The following OPCML variants were observed in gnomAD, a reference collection of about 807,000 sequenced individuals.
OPCML encodes the protein opioid-binding protein/cell adhesion molecule.
In OPCML, 13 loss-of-function variants were observed where a neutral mutation model predicts 37.8. The ratio of observed to expected loss-of-function variants is 0.34; its 90% confidence interval spans 0.22 to 0.55. The LOEUF is 0.55. Among genes scored for constraint, OPCML ranks in the 20% least tolerant of loss-of-function variants. The probability of loss-of-function intolerance (pLI) is 0.91; values close to 1 mark genes in which losing one functional copy is unlikely to be tolerated. For synonymous variants in OPCML, 176 were observed against 168.8 expected, an observed-to-expected ratio of 1.04 and a Z score of -0.33; for missense variants, 341 against 435.6, an observed-to-expected ratio of 0.78 and a Z score of 1.93.
At chr11:133,290,756 GA>G (rs1232428007) in intron 1 of OPCML, among the ~76,000 whole-genome samples, 5 of 152,246 alleles carry the variant, frequency 3.3e-5, no homozygotes. Flanking sequence ...GAACTATTTG[GA>G]AAGGATTTCA....
At chr11:132,639,380 G>A (rs917355302) in intron 3 of OPCML, among the ~76,000 whole-genome samples, 3 of 152,180 alleles carry the variant, frequency 2.0e-5, no homozygotes, top group African/African-American at 7.2e-5. Context: ...GGTGACACTT[G>A]GGGACATGTG....
chr11:132,748,968 A>G (rs1468852189), intron 2 of OPCML, among the ~76,000 whole-genome samples: 1 of 152,120 alleles, frequency 6.6e-6, no homozygotes, highest in Non-Finnish European at 1.5e-5. Context: ...TATGGATTGA[A>G]TGTTTGTGCC....
chr11:132,958,294 T>C (rs1302249734), intron 1 of OPCML, among the ~76,000 whole-genome samples: 1 of 152,196 alleles, frequency 6.6e-6, no homozygotes, highest in East Asian at 1.9e-4. Context: ...TTCAATTCTA[T>C]GAAGGCTGAG....
intron 1 of OPCML, among the ~76,000 whole-genome samples, chr11:133,043,889 G>A (rs1947955142): frequency 6.6e-6 from 1 of 152,164 alleles, no homozygotes; most frequent in African/African-American, 2.4e-5. Flanking sequence ...TTATTCATTT[G>A]TGCATACATT....
chr11:133,462,149 C>A (rs946234499), intron 1 of OPCML, among the ~76,000 whole-genome samples: 4 of 151,632 alleles, frequency 2.6e-5, no homozygotes, highest in Admixed American at 6.6e-5. Context: ...GTAATGGCTG[C>A]AAAAAATAAA....
At chr11:132,841,974 T>C (rs1438121739) in intron 2 of OPCML, among the ~76,000 whole-genome samples, 4 of 151,326 alleles carry the variant, frequency 2.6e-5, no homozygotes, top group Non-Finnish European at 5.9e-5. Flanking sequence ...CTGCATGCTA[T>C]TGAAAAGAGA....
intron 2 of OPCML, among the ~76,000 whole-genome samples, chr11:132,702,348 T>A (rs1409500842): frequency 1.3e-5 from 2 of 152,200 alleles, no homozygotes; most frequent in Non-Finnish European, 2.9e-5. Context: ...TAACGCTTCT[T>A]TCCCCCAGCA....
intron 1 of OPCML, among the ~76,000 whole-genome samples, chr11:133,468,710 G>C (rs967554069): frequency 6.6e-6 from 1 of 152,154 alleles, no homozygotes; most frequent in Admixed American, 6.5e-5. Flanking sequence ...AGAGAAAAAG[G>C]CTTTTTGACA....
At chr11:132,540,302 A>G (rs76346213) in intron 3 of OPCML, among the ~76,000 whole-genome samples, 2,235 of 152,252 alleles carry the variant, frequency 0.015, 47 homozygotes, top group African/African-American at 0.046. Context: ...ATAATTAAGG[A>G]CTGTCATTTG....
At chr11:133,362,641 G>C (rs1001538564) in intron 1 of OPCML, among the ~76,000 whole-genome samples, 3 of 152,196 alleles carry the variant, frequency 2.0e-5, no homozygotes, top group Non-Finnish European at 4.4e-5. Context: ...TGGCTGAAGG[G>C]AATGAGGTGA....
At chr11:132,511,072 T>G (rs2096267797) in intron 4 of OPCML, among the ~76,000 whole-genome samples, 1 of 152,112 alleles carries the variant, frequency 6.6e-6, no homozygotes, top group African/African-American at 2.4e-5. Context: ...GTAAAAAATC[T>G]TAAGTATCTA....
At chr11:133,427,188 A>G (rs1403156820) in intron 1 of OPCML, among the ~76,000 whole-genome samples, 4 of 152,176 alleles carry the variant, frequency 2.6e-5, no homozygotes, top group Non-Finnish European at 5.9e-5. Context: ...CACGGACCTT[A>G]TAAAACCTAA....
intron 1 of OPCML, among the ~76,000 whole-genome samples, chr11:133,512,630 C>G (rs1948184607): frequency 6.6e-6 from 1 of 152,184 alleles, no homozygotes. Context: ...GTTTGGTTCC[C>G]CTGGCAACAA....
At chr11:132,454,524 C>G (rs1040631828) in intron 4 of OPCML, among the ~76,000 whole-genome samples, 2 of 152,198 alleles carry the variant, frequency 1.3e-5, no homozygotes, top group Non-Finnish European at 2.9e-5. Context: ...GCTCCACTGC[C>G]TCTTCCACAC....
chr11:133,178,933 C>T (rs75767225), intron 1 of OPCML, among the ~76,000 whole-genome samples: 20 of 152,164 alleles, frequency 1.3e-4, no homozygotes, highest in Non-Finnish European at 2.4e-4. Flanking sequence ...TGTTTTCACT[C>T]GCTGCCTCTA....
intron 4 of OPCML, among the ~76,000 whole-genome samples, chr11:132,518,254 G>A (rs529333980): frequency 6.6e-6 from 1 of 152,052 alleles, no homozygotes; most frequent in Non-Finnish European, 1.5e-5. Flanking sequence ...AGGCCCCAGT[G>A]TGTGTTGTTC....
chr11:133,025,726 A>ATTT (rs869296316), intron 1 of OPCML, among the ~76,000 whole-genome samples: 36 of 91,304 alleles, frequency 3.9e-4, no homozygotes, highest in Non-Finnish European at 4.5e-4. Context: ...TGCCGATTTG[A>ATTT]TTTTTTTTTT....
intron 3 of OPCML, among the ~76,000 whole-genome samples, chr11:132,612,406 G>A (rs1046595323): frequency 1.3e-5 from 2 of 152,140 alleles, no homozygotes; most frequent in Non-Finnish European, 2.9e-5. Flanking sequence ...GTGGCATAAT[G>A]AGCCAATTCT....
chr11:133,282,614 C>T, intron 1 of OPCML, among the ~76,000 whole-genome samples: 1 of 152,112 alleles, frequency 6.6e-6, no homozygotes. Context: ...AGGGAACTGC[C>T]TAGTGGAGTT....
Sources: allele counts gnomAD v4.1 joint callset (sites outside exome capture counted in the v4.1 genomes callset), GRCh38; gene constraint gnomAD v4.1.1; transcripts MANE v1.5; gene names NCBI Gene and HGNC (gene_info 2026-07-23, HGNC 2026-07-21).